HFE: variants seen among roughly 807,000 people sequenced by gnomAD.
HFE encodes the protein homeostatic iron regulator, also known as hereditary hemochromatosis protein.
Under a neutral mutation model 40.9 loss-of-function variants are expected in HFE, and 36 were observed. That is an observed-to-expected ratio of 0.88 (90% CI 0.67 to 1.16). HFE has a LOEUF of 1.16. HFE is among the 50% of genes most tolerant of loss of function. HFE has a pLI of 0.00. For synonymous variants in HFE, 157 were observed against 165.4 expected (o/e 0.95, Z 0.39); for missense variants, 376 against 432.0 (o/e 0.87, Z 1.15).
At chr6:26,092,476 T>C in intron 3 of HFE, 1 of 759,658 alleles carries the variant, frequency 1.3e-6, no homozygotes, top group East Asian at 2.7e-5. Context: ...TATATTTACA[T>C]GTGAGGAGAA....
At position 26,093,125 on chromosome 6, in the gene HFE, C is replaced by T. The variant is rs748266596; in HGVS notation, c.899C>T (p.Ser300Leu). Residue 300 changes from serine (S) to leucine (L), a missense_variant, in exon 5 of 6, where the codon TCA (serine) becomes TTA (leucine). This residue lies in a region of HFE where 173 missense variants were observed against 186.9 expected (regional missense o/e 0.93). Transcript: ENST00000357618. ...CTTGCTTTTTCTGTTTTAGAGCCCT[C>T]ACCGTCTGGCACCCTAGTCATTGGA... is the stretch of plus-strand genomic sequence containing the variant. Reference protein sequence around the residue: ...DQPLIVIWEPSPSGTLVIGVI... With the variant: ...DQPLIVIWEPLPSGTLVIGVI... 4.3e-6 allele frequency: 7 copies of T among 1,613,936 alleles called. No homozygotes were observed.
chr6:26,089,107 GT>G (rs58213179), intron 1 of HFE, among the ~76,000 whole-genome samples: 17,172 of 101,364 alleles, frequency 0.17, 2,242 homozygotes, highest in African/African-American at 0.35. Flanking sequence ...GTGTGTGTGT[GT>G]GGGGGGGGGG....
chr6:26,088,617 G>A (rs1216134555), intron 1 of HFE, among the ~76,000 whole-genome samples: 2 of 152,170 alleles, frequency 1.3e-5, no homozygotes, highest in Non-Finnish European at 2.9e-5. Context: ...ACAAGAATGA[G>A]GCATGGCACG....
rs757701527 is a variant in HFE at position 26,096,315 on chromosome 6, G to C, written c.*2089G>C. 2.8e-5 allele frequency: 10 copies of C among 358,846 alleles called. No homozygotes were observed. Among genetic ancestry groups the C allele is most frequent in the Non-Finnish European group, 5.5e-5 (10 of 183,054 alleles). 22.2% of individuals were successfully genotyped at this position (358,846 alleles called of 1,614,324 possible). A position where few individuals can be genotyped will look rare whatever the true frequency, so the allele number is the denominator to read the frequency against. On this transcript the variant is annotated 3_prime_UTR_variant, in exon 6 of 6. Coordinates refer to ENST00000357618, the MANE Select transcript of HFE (RefSeq NM_000410.4). ...TGCCCGGCTAATTTTTGTATTTTTA[G>C]TAGAGACAGGGTTTCACCATGTTGG...
chr6:26,091,904 C>G (rs1762735299), intron 3 of HFE, among the ~76,000 whole-genome samples: 1 of 152,028 alleles, frequency 6.6e-6, no homozygotes, highest in Non-Finnish European at 1.5e-5. Flanking sequence ...CAAGGCCGGG[C>G]ACGGTGGCTC....
At chr6:26,092,276 C>T (rs1762772558) in intron 3 of HFE, among the ~76,000 whole-genome samples, 1 of 151,552 alleles carries the variant, frequency 6.6e-6, no homozygotes, top group South Asian at 2.1e-4. Context: ...TAGAAGAATC[C>T]TTTAGGTTAA....
intron 4 of HFE, 66 bp downstream of exon 4, chr6:26,093,026 G>A: frequency 4.3e-6 from 7 of 1,614,024 alleles, no homozygotes; most frequent in Non-Finnish European, 5.9e-6. Context: ...TGCCTGAGGA[G>A]GTAATTATGG....
Position 26,097,005 on chromosome 6 carries a change from T to C in HFE, c.*2779T>C, listed in dbSNP as rs1763066499. On this transcript the variant is annotated 3_prime_UTR_variant, in exon 6 of 6. Coordinates refer to ENST00000357618, the MANE Select transcript of HFE (RefSeq NM_000410.4). ...TCTTCACTCTAGGGACATTGTCGTC[T>C]AAGTTGTAAGACATTGGTTATTTTA... 2 of 184,410 alleles carry C rather than the reference T, an allele frequency of 1.1e-5. No individual in the cohort carries two copies. The highest frequency in any genetic ancestry group is 1.2e-4 in the Admixed American group (2 of 17,016). The allele number at this position is 184,410 out of a possible 1,614,324, so 11.4% of individuals were successfully genotyped here.
At position 26,092,960 on chromosome 6, in the gene HFE, G is replaced by T. The variant is rs749553271; in HGVS notation, c.892G>T (p.Glu298Ter). ...GGATCAGCCCCTCATTGTGATCTGG[G>T]GTATGTGACTGATGAGAGCCAGGAG... The part of the protein sequence containing the change: ...GLDQPLIVIW[E>*]PSPSGTLVIG... The change falls in exon 4 of 6, where the codon GAG becomes TAG. Residue 298 changes from glutamate to a stop codon, truncating the protein, a stop_gained and splice_region_variant. Coordinates refer to ENST00000357618, the MANE Select transcript of HFE (RefSeq NM_000410.4). LOFTEE classifies it high-confidence loss of function. 2.5e-6 allele frequency: 4 copies of T among 1,613,876 alleles called. No individual in the cohort carries two copies. Among genetic ancestry groups the T allele is most frequent in the African/African-American group, 1.3e-5 (1 of 74,904 alleles).
chr6:26,089,527 A>G (rs545804551), intron 1 of HFE, among the ~76,000 whole-genome samples: 1 of 152,322 alleles, frequency 6.6e-6, no homozygotes, highest in South Asian at 2.1e-4. Context: ...AAGCTGTTAC[A>G]CAGTCCAGGC....
intron 1 of HFE, among the ~76,000 whole-genome samples, chr6:26,088,301 C>T (rs1300699419): frequency 6.6e-6 from 1 of 152,184 alleles, no homozygotes; most frequent in African/African-American, 2.4e-5. Context: ...GTAAGCAATG[C>T]ACTCACTTCT....
chr6:26,089,655 A>C lies in HFE; in HGVS notation c.77-1186A>C, dbSNP rs62625327. ...CTATGTTGTGTGAGAGAAAGAGAAG[A>C]ATTGGCTGGGTGTAGTAGCTCATGC... On this transcript the variant is annotated intron_variant, in intron 1 of 5. Coordinates refer to ENST00000357618, the MANE Select transcript of HFE (RefSeq NM_000410.4). Among the ~76,000 whole-genome samples the C allele has an allele frequency of 7.1e-4, 108 of 152,236 alleles. No homozygotes were observed. In the East Asian group the frequency reaches 0.02, roughly 28 times the overall value.
At chr6:26,093,726 C>T (rs976028004) in intron 5 of HFE, among the ~76,000 whole-genome samples, 4 of 151,836 alleles carry the variant, frequency 2.6e-5, no homozygotes, top group Admixed American at 2.0e-4. Flanking sequence ...ACGGAGCAAC[C>T]ATGCCAAGTA....
In HFE at chr6:26,094,121, G is replaced by A. The variant is rs1762910786; in HGVS notation, c.1007-65G>A. The stretch of plus-strand genomic sequence containing the variant: ...ATGGGTGAATGAGGAAAATAAGGAA[G>A]AGAGAAGAGGCAAGATGGTGCCTAG... On this transcript the variant is annotated intron_variant, in intron 5 of 5. Transcript: ENST00000357618. The A allele has an allele frequency of 2.0e-6, 3 of 1,469,142 alleles. No individual in the cohort carries two copies. The East Asian group carries it at 6.8e-5, about 33-fold the overall frequency. 91.0% of individuals were successfully genotyped at this position (1,469,142 alleles called of 1,614,324 possible).
Position 26,097,501 on chromosome 6 carries a change from C to G in HFE, c.*3275C>G, listed in dbSNP as rs1763087073. The stretch of plus-strand genomic sequence containing the variant: ...CCATAGGTAAATGTACCACGGTGGT[C>G]CGGTGACCAGAGATGCAGCGCTGAG... On this transcript the variant is annotated 3_prime_UTR_variant, in exon 6 of 6. Coordinates refer to ENST00000357618, the MANE Select transcript of HFE (RefSeq NM_000410.4). The G allele has an allele frequency of 6.6e-6, 1 of 152,004 alleles. No individual in the cohort carries two copies. The highest frequency in any genetic ancestry group is 2.1e-4 in the South Asian group (1 of 4,812). The allele number at this position is 152,004 out of a possible 1,614,324, so 9.4% of individuals were successfully genotyped here.
Position 26,090,851 on chromosome 6 carries a change from T to C in HFE, c.87T>C (p.Ser29=), listed in dbSNP as rs772911078. ...VLQGRLLRSH[S]LHYLFMGASE... ...TTGCTCTGTCTCCAGGTTCACACTCTCTGCACTACCTCTTCATGGGTGCCT... is the reference window on the plus strand; with the variant it reads ...TTGCTCTGTCTCCAGGTTCACACTCCCTGCACTACCTCTTCATGGGTGCCT... The change falls in exon 2 of 6, where the codon TCT becomes TCC. Residue 29 remains serine, a synonymous_variant. Coordinates refer to ENST00000357618, the MANE Select transcript of HFE (RefSeq NM_000410.4). 3.1e-6 allele frequency: 5 copies of C among 1,613,942 alleles called. No individual in the cohort carries two copies. The Admixed American group carries it at 8.3e-5, about 27-fold the overall frequency.
chr6:26,091,868 T>C (rs1033973084), intron 3 of HFE, among the ~76,000 whole-genome samples: 5 of 152,114 alleles, frequency 3.3e-5, no homozygotes, highest in African/African-American at 1.2e-4. Flanking sequence ...TTTGTATATT[T>C]ATACCTGTTA....
rs1426813608 is a variant in HFE, at chr6:26,097,873, CTG to C, written c.*3649_*3650del. Reference sequence around the variant, plus strand: ...CTCACACACATTTAAAAACAAAACACTGTCTCTAAAATCCCCAAATTTTTCAT... The same window carrying C: ...CTCACACACATTTAAAAACAAAACACTCTCTAAAATCCCCAAATTTTTCAT... On this transcript the variant is annotated 3_prime_UTR_variant, in exon 6 of 6. Coordinates refer to ENST00000357618, the MANE Select transcript of HFE (RefSeq NM_000410.4). 2 of 152,156 alleles carry C rather than the reference CTG, an allele frequency of 1.3e-5. No homozygotes were observed. The highest frequency in any genetic ancestry group is 2.9e-5 in the Non-Finnish European group (2 of 68,020). 9.4% of individuals were successfully genotyped at this position (152,156 alleles called of 1,614,324 possible).
At position 26,091,422 on chromosome 6, in the gene HFE, C is replaced by G; in HGVS notation, c.449C>G (p.Pro150Arg). 1 of 1,614,198 alleles carries G rather than the reference C, an allele frequency of 6.2e-7. No homozygotes were observed. Among genetic ancestry groups the G allele is most frequent in the Non-Finnish European group, 8.5e-7 (1 of 1,180,038 alleles). Reference sequence around the variant, plus strand: ...GGGCAGGACCACCTTGAATTCTGCCCTGACACACTGGATTGGAGAGCAGCA... The same window carrying G: ...GGGCAGGACCACCTTGAATTCTGCCGTGACACACTGGATTGGAGAGCAGCA... ...YDGQDHLEFC[P>R]DTLDWRAAEP... is the part of the protein sequence containing the mutation. Residue 150 changes from proline (P) to arginine (R), a missense_variant, in exon 3 of 6, where the codon CCT becomes CGT. This residue lies in a region of HFE where 200 missense variants were observed against 228.5 expected (regional missense o/e 0.88). Transcript: ENST00000357618.
Sources: allele counts gnomAD v4.1 joint callset (sites outside exome capture counted in the v4.1 genomes callset), GRCh38; gene constraint gnomAD v4.1.1; regional missense constraint gnomAD v4.1.1; transcripts MANE v1.5; gene names NCBI Gene and HGNC (gene_info 2026-07-23, HGNC 2026-07-21).